The following ADRA1A variants were observed in gnomAD, a reference collection of about 807,000 sequenced individuals.
ADRA1A encodes adrenoceptor alpha 1A, also known as alpha-1A adrenergic receptor.
ADRA1A carries 31 observed loss-of-function variants against 29.6 expected under a neutral mutation model. The observed-to-expected ratio is 1.05, with a 90% CI of 0.79 to 1.41. ADRA1A has a LOEUF of 1.41. Ranked by LOEUF, ADRA1A falls within the 40% of genes most tolerant of loss-of-function variation. The pLI is 0.00. For missense variants in ADRA1A, 619 were observed against 601.1 expected, an observed-to-expected ratio of 1.03 and a Z score of -0.31; for synonymous variants, 311 against 254.3, an observed-to-expected ratio of 1.22 and a Z score of -2.12.
chr8:26,807,065 T>C (rs75479222), intron 2 of ADRA1A, among the ~76,000 whole-genome samples: 1 of 152,228 alleles, frequency 6.6e-6, no homozygotes, highest in African/African-American at 2.4e-5. Flanking sequence ...TCAAGTTTCT[T>C]GTATCAAGTA....
At chr8:26,818,346 A>C (rs1416086335) in intron 2 of ADRA1A, among the ~76,000 whole-genome samples, 1 of 152,208 alleles carries the variant, frequency 6.6e-6, no homozygotes, top group Non-Finnish European at 1.5e-5. Context: ...ATGAAATAAT[A>C]TTAAGTCAAA....
intron 2 of ADRA1A, among the ~76,000 whole-genome samples, chr8:26,797,273 A>C (rs1179509225): frequency 6.6e-6 from 1 of 152,034 alleles, no homozygotes; most frequent in Non-Finnish European, 1.5e-5. Context: ...TTAATATGTA[A>C]TGGGTTTATT....
intron 2 of ADRA1A, among the ~76,000 whole-genome samples, chr8:26,816,391 G>A (rs149299912): frequency 6.6e-6 from 1 of 152,214 alleles, no homozygotes; most frequent in Non-Finnish European, 1.5e-5. Flanking sequence ...TGCAGTGCCT[G>A]CCAAGGACAG....
At chr8:26,793,840 T>C (rs1215466642) in intron 2 of ADRA1A, among the ~76,000 whole-genome samples, 2 of 152,140 alleles carry the variant, frequency 1.3e-5, no homozygotes, top group South Asian at 2.1e-4. Context: ...AAATAATTTA[T>C]ATTCATGCTA....
At chr8:26,822,134 T>A (rs1810217974) in intron 2 of ADRA1A, among the ~76,000 whole-genome samples, 1 of 152,226 alleles carries the variant, frequency 6.6e-6, no homozygotes, top group Non-Finnish European at 1.5e-5. Flanking sequence ...GGTTGAATGG[T>A]AATTGCATGT....
At chr8:26,824,447 C>A (rs1175418710) in intron 2 of ADRA1A, among the ~76,000 whole-genome samples, 1 of 152,040 alleles carries the variant, frequency 6.6e-6, no homozygotes, top group Non-Finnish European at 1.5e-5. Context: ...GCCATGATAC[C>A]AACATTGTAA....
intron 2 of ADRA1A, among the ~76,000 whole-genome samples, chr8:26,863,761 G>C (rs924162267): frequency 6.6e-6 from 1 of 152,208 alleles, no homozygotes; most frequent in African/African-American, 2.4e-5. Context: ...TCTGAGACTA[G>C]AGAGAGCAGA....
chr8:26,795,544 T>C (rs1267769891), intron 2 of ADRA1A, among the ~76,000 whole-genome samples: 1 of 152,136 alleles, frequency 6.6e-6, no homozygotes, highest in Non-Finnish European at 1.5e-5. Context: ...TTCAAACTAA[T>C]AAATGAAAGT....
Position 26,864,778 on chromosome 8 carries a change from G to T in ADRA1A, c.192C>A (p.Tyr64Ter), listed in dbSNP as rs139291747. 14 of 1,614,180 alleles carry T rather than the reference G, an allele frequency of 8.7e-6. No individual in the cohort carries two copies. The highest frequency in any genetic ancestry group is 1.2e-5 in the Non-Finnish European group (14 of 1,180,028). ...GGTCGGCCACCGCCAGGTTGACGATGTAGTAGTGCGTGACTGAGTGCAGGT... is the reference window on the plus strand; with the variant it reads ...GGTCGGCCACCGCCAGGTTGACGATTTAGTAGTGCGTGACTGAGTGCAGGT... The part of the protein sequence containing the change: ...HRHLHSVTHY[Y>*]IVNLAVADLL... Residue 64 changes from tyrosine to a stop codon, truncating the protein, a stop_gained, in exon 2 of 3, where the codon TAC (tyrosine) becomes TAA (stop). Coordinates refer to ENST00000380573, the MANE Select transcript of ADRA1A (RefSeq NM_000680.4). LOFTEE classifies it high-confidence loss of function. The surrounding 1 kb of genome is among the most constrained non-coding windows in gnomAD (Gnocchi z 8.1).
chr8:26,812,873 A>G (rs990631780), intron 2 of ADRA1A, among the ~76,000 whole-genome samples: 29 of 152,008 alleles, frequency 1.9e-4, no homozygotes, highest in Admixed American at 1.2e-3. Flanking sequence ...TCACCGTGTT[A>G]GCCAGGATGG....
intron 2 of ADRA1A, among the ~76,000 whole-genome samples, chr8:26,757,459 C>A (rs1370193422): frequency 6.6e-6 from 1 of 151,898 alleles, no homozygotes; most frequent in African/African-American, 2.4e-5. Flanking sequence ...TGACCTGGAG[C>A]TTCCATGAGA....
At chr8:26,810,084 C>T (rs1005962030) in intron 2 of ADRA1A, among the ~76,000 whole-genome samples, 1 of 152,212 alleles carries the variant, frequency 6.6e-6, no homozygotes, top group Non-Finnish European at 1.5e-5. Context: ...CTGAGCTCCA[C>T]TGGCTCAGAC....
At chr8:26,751,526 T>C (rs1414371532), downstream of ADRA1A, among the ~76,000 whole-genome samples, 3 of 152,274 alleles carry the variant, frequency 2.0e-5, no homozygotes, top group Non-Finnish European at 4.4e-5. Flanking sequence ...CCCCAAAGCT[T>C]TGGTGTCTGA....
At chr8:26,813,246 C>A (rs903302440) in intron 2 of ADRA1A, among the ~76,000 whole-genome samples, 1 of 152,116 alleles carries the variant, frequency 6.6e-6, no homozygotes, top group African/African-American at 2.4e-5. Flanking sequence ...GCAGACCAAC[C>A]TAACCTAAGT....
chr8:26,820,154 C>A (rs954811846), intron 2 of ADRA1A, among the ~76,000 whole-genome samples: 11 of 152,168 alleles, frequency 7.2e-5, no homozygotes, highest in African/African-American at 2.4e-4. Context: ...TAGTAGTGAA[C>A]TTCAGTACCC....
Position 26,841,381 on chromosome 8 carries a change from C to A in ADRA1A, c.883+22706G>T, listed in dbSNP as rs927671850. ...CACCAAAGCCTACCCCACCCTTGCA[C>A]CTCCTTTCTTACTCCCTTCTAACTG... On this transcript the variant is annotated intron_variant, in intron 2 of 2. Transcript: ENST00000380573. The surrounding 1 kb of genome is among the most constrained non-coding windows in gnomAD (Gnocchi z 4.4). 6.6e-6 allele frequency among the ~76,000 whole-genome samples: 1 copy of A among 152,186 alleles called. No homozygotes were observed. Among genetic ancestry groups the A allele is most frequent in the African/African-American group, 2.4e-5 (1 of 41,434 alleles).
intron 2 of ADRA1A, among the ~76,000 whole-genome samples, chr8:26,776,565 G>A (rs754239507): frequency 1.3e-5 from 2 of 152,116 alleles, no homozygotes; most frequent in South Asian, 2.1e-4. Context: ...ACCCAAACTC[G>A]GCTCCACCTC....
At chr8:26,785,073 G>T (rs1248989847) in intron 2 of ADRA1A, among the ~76,000 whole-genome samples, 1 of 152,144 alleles carries the variant, frequency 6.6e-6, no homozygotes, top group Non-Finnish European at 1.5e-5. Context: ...AGAGAAAGTT[G>T]ATTGTTTTTT....
intron 2 of ADRA1A, among the ~76,000 whole-genome samples, chr8:26,777,106 C>T (rs970052446): frequency 6.6e-6 from 1 of 152,330 alleles, no homozygotes; most frequent in South Asian, 2.1e-4. Flanking sequence ...CCAGAGTCTA[C>T]CAGATGCCTT....
Sources: gnomAD v4.1 joint callset for allele counts (sites outside exome capture counted in the v4.1 genomes callset) on GRCh38, gnomAD v4.1.1 for gene constraint, Gnocchi (gnomAD v3.1) non-coding constraint, MANE v1.5 for transcripts, NCBI Gene and HGNC (gene_info 2026-07-23, HGNC 2026-07-21) for gene names.